SFRP1: variants seen among roughly 807,000 people sequenced by gnomAD.
SFRP1 encodes the protein secreted frizzled related protein 1.
Under a neutral mutation model 25.9 loss-of-function variants are expected in SFRP1, and 9 were observed. The observed-to-expected ratio is 0.35, with a 90% CI of 0.21 to 0.61. SFRP1 has a LOEUF of 0.61. SFRP1 is among the 20% of genes least tolerant of loss of function. The pLI is 0.78. For missense variants in SFRP1, 346 were observed against 418.2 expected (o/e 0.83, Z 1.51); for synonymous variants, 178 against 174.0 (o/e 1.02, Z -0.18).
chr8:41,285,515 T>C (rs373491503), intron 2 of SFRP1, among the ~76,000 whole-genome samples: 2 of 151,772 alleles, frequency 1.3e-5, no homozygotes, highest in Non-Finnish European at 1.5e-5. Flanking sequence ...GCGGAAGAAG[T>C]GCAGCCCCAG....
In SFRP1 at chr8:41,308,688, C is replaced by T. The variant is rs1191173756; in HGVS notation, c.472G>A (p.Asp158Asn). 6.2e-7 allele frequency: 1 copy of T among 1,611,192 alleles called. No individual in the cohort carries two copies. Among genetic ancestry groups the T allele is most frequent in the Admixed American group, 1.7e-5 (1 of 59,706 alleles). ...GFYWPEMLKC[D>N]KFPEGDVCIA... is the part of the protein sequence containing the mutation. ...CAGACGTCCCCCTCGGGGAACTTGTCACACTTAAGCATCTCGGGCCAGTAG... is the reference window on the plus strand; with the variant it reads ...CAGACGTCCCCCTCGGGGAACTTGTTACACTTAAGCATCTCGGGCCAGTAG... Residue 158 changes from aspartate to asparagine, a missense_variant, in exon 1 of 3, where the codon GAC becomes AAC. Physicochemically the swap from Asp to Asn is conservative, Grantham distance 23. Coordinates refer to ENST00000220772, the MANE Select transcript of SFRP1 (RefSeq NM_003012.5).
At chr8:41,296,159 T>C (rs1035338947) in intron 2 of SFRP1, among the ~76,000 whole-genome samples, 1 of 152,222 alleles carries the variant, frequency 6.6e-6, no homozygotes, top group African/African-American at 2.4e-5. Context: ...GTGACAGCAC[T>C]AGTGGCAGGC....
At chr8:41,306,573 CA>C (rs1803999552) in intron 1 of SFRP1, 1 of 914,748 alleles carries the variant, frequency 1.1e-6, no homozygotes, top group Non-Finnish European at 1.6e-6. Context: ...CCAGGGATTG[CA>C]GTCCTGGGGA....
At chr8:41,278,381 C>T (rs927241927) in intron 2 of SFRP1, among the ~76,000 whole-genome samples, 3 of 152,242 alleles carry the variant, frequency 2.0e-5, no homozygotes, top group African/African-American at 7.2e-5. Context: ...CCACCATTAA[C>T]CTTTAGCATA....
chr8:41,303,582 C>G, intron 1 of SFRP1, 44 bp from the exon 2 acceptor site: 2 of 1,520,354 alleles, frequency 1.3e-6, no homozygotes, highest in Non-Finnish European at 1.8e-6. Context: ...AGTTACAGAG[C>G]AGGAAGGGAG....
intron 2 of SFRP1, among the ~76,000 whole-genome samples, chr8:41,299,187 T>C (rs1388793097): frequency 2.1e-5 from 3 of 143,422 alleles, no homozygotes; most frequent in Non-Finnish European, 3.0e-5. Context: ...CACTAAGCAA[T>C]GGGCCAATCT....
At chr8:41,306,575 G>T in intron 1 of SFRP1, 1 of 955,760 alleles carries the variant, frequency 1.0e-6, no homozygotes, top group Non-Finnish European at 1.5e-6. Flanking sequence ...AGGGATTGCA[G>T]TCCTGGGGAG....
At chr8:41,283,218 C>G (rs1053973942) in intron 2 of SFRP1, among the ~76,000 whole-genome samples, 1 of 152,176 alleles carries the variant, frequency 6.6e-6, no homozygotes, top group African/African-American at 2.4e-5. Flanking sequence ...TTTTCCCTGA[C>G]AAGTGTCAGA....
chr8:41,291,323 C>T (rs1445453401), intron 2 of SFRP1, among the ~76,000 whole-genome samples: 1 of 152,070 alleles, frequency 6.6e-6, no homozygotes, highest in Admixed American at 6.5e-5. Context: ...GTCAGGTTGC[C>T]GCACAAGCTG....
chr8:41,294,727 C>G lies in SFRP1; in HGVS notation c.622+8734G>C, dbSNP rs151313421. Among the ~76,000 whole-genome samples, 41 of 152,258 alleles carry G rather than the reference C, an allele frequency of 2.7e-4. No individual in the cohort carries two copies. The East Asian group carries it at 5.0e-3, about 19-fold the overall frequency. ...CCTCAGCCCTCATGCTTACAGCCCC[C>G]CAAACCTAACAGACCAACACCTTTT... On this transcript the variant is annotated intron_variant, in intron 2 of 2. Transcript: ENST00000220772.
chr8:41,299,743 T>C (rs1325620755), intron 2 of SFRP1, among the ~76,000 whole-genome samples: 1 of 151,676 alleles, frequency 6.6e-6, no homozygotes, highest in Non-Finnish European at 1.5e-5. Context: ...CAAACTTTCA[T>C]TTTATGCCTA....
At chr8:41,289,873 G>C (rs930704031) in intron 2 of SFRP1, among the ~76,000 whole-genome samples, 1 of 152,234 alleles carries the variant, frequency 6.6e-6, no homozygotes, top group Non-Finnish European at 1.5e-5. Context: ...GAGGATAGTG[G>C]ATTAGCAGCA....
At chr8:41,289,868 T>C (rs951534655) in intron 2 of SFRP1, among the ~76,000 whole-genome samples, 3 of 152,212 alleles carry the variant, frequency 2.0e-5, no homozygotes, top group Non-Finnish European at 4.4e-5. Flanking sequence ...TTCTGGAGGA[T>C]AGTGGATTAG....
At position 41,265,119 on chromosome 8, in the gene SFRP1, C is replaced by CCCCCCCCCCCCCCCCCCG; in HGVS notation, c.*47_*48insCGGGGGGGGGGGGGGGGG. ...CGGGTTCCCGGGGCACTGTCCCCCCCGCTCCCACCCCACCCGAGGCTCCCT... is the reference window on the plus strand; with the variant it reads ...CGGGTTCCCGGGGCACTGTCCCCCCCCCCCCCCCCCCCCCCCCGGCTCCCACCCCACCCGAGGCTCCCT... On this transcript the variant is annotated 3_prime_UTR_variant, in exon 3 of 3. Transcript: ENST00000220772. 2.2e-6 allele frequency: 1 copy of CCCCCCCCCCCCCCCCCCG among 464,792 alleles called. No homozygotes were observed. Among genetic ancestry groups the CCCCCCCCCCCCCCCCCCG allele is most frequent in the Non-Finnish European group, 4.1e-6 (1 of 241,914 alleles). The allele number at this position is 464,792 out of a possible 1,614,324, so 28.8% of individuals were successfully genotyped here. A position where few individuals can be genotyped will look rare whatever the true frequency, so the allele number is the denominator to read the frequency against.
At chr8:41,288,530 C>CAAAAAAA (rs397893046) in intron 2 of SFRP1, among the ~76,000 whole-genome samples, 4 of 39,110 alleles carry the variant, frequency 1.0e-4, no homozygotes, top group Non-Finnish European at 9.4e-5. Flanking sequence ...AGACCCTGTC[C>CAAAAAAA]AAAAAAAAAA....
intron 2 of SFRP1, among the ~76,000 whole-genome samples, chr8:41,302,276 T>A (rs887645005): frequency 3.3e-5 from 5 of 152,214 alleles, no homozygotes; most frequent in Non-Finnish European, 7.3e-5. Flanking sequence ...GCCATCTACA[T>A]CCAGCTTCCA....
At chr8:41,274,688 C>A (rs1433129366) in intron 2 of SFRP1, among the ~76,000 whole-genome samples, 1 of 152,166 alleles carries the variant, frequency 6.6e-6, no homozygotes, top group African/African-American at 2.4e-5. Context: ...ATTATTACTT[C>A]TAGGTCATAG....
intron 2 of SFRP1, among the ~76,000 whole-genome samples, chr8:41,274,656 G>T (rs912768981): frequency 2.6e-5 from 4 of 152,146 alleles, no homozygotes; most frequent in African/African-American, 9.7e-5. Flanking sequence ...TGAATATGAA[G>T]AAATCACTAA....
At chr8:41,308,353 G>A (rs1347575390) in intron 1 of SFRP1, among the ~76,000 whole-genome samples, 12 of 152,224 alleles carry the variant, frequency 7.9e-5, no homozygotes, top group Non-Finnish European at 1.6e-4. Flanking sequence ...GGACCACAGC[G>A]AGTCCCTGCG....
Sources: gnomAD v4.1 joint callset for allele counts (sites outside exome capture counted in the v4.1 genomes callset) on GRCh38, gnomAD v4.1.1 for gene constraint, MANE v1.5 for transcripts, NCBI Gene and HGNC (gene_info 2026-07-23, HGNC 2026-07-21) for gene names.